MED15: variants seen among roughly 807,000 people sequenced by gnomAD.
MED15 encodes mediator of RNA polymerase II transcription subunit 15.
In MED15, 41 loss-of-function variants were observed where a neutral mutation model predicts 118.7. The observed-to-expected ratio is 0.35, with a 90% CI of 0.27 to 0.45. The LOEUF (loss-of-function observed/expected upper bound fraction) is 0.45, where lower values mean the gene tolerates loss of function less well. Ranked by LOEUF, MED15 falls within the 20% of genes least tolerant of loss-of-function variation. The probability of loss-of-function intolerance (pLI) is 1.00; values close to 1 mark genes in which losing one functional copy is unlikely to be tolerated. For synonymous variants in MED15, 436 were observed against 413.9 expected, an observed-to-expected ratio of 1.05 and a Z score of -0.65; for missense variants, 740 against 1,025.5, an observed-to-expected ratio of 0.72 and a Z score of 3.80.
rs758761257 is a variant in MED15, at chr22:20,584,875, G to A, written c.1824G>A (p.Pro608=). The change falls in exon 15 of 18, where the codon CCG becomes CCA. Residue 608 remains proline, a synonymous_variant. Transcript: ENST00000263205. ...TCCAGCCCACTCCCCCACCGCCCCC[G>A]GTGCCACCGACCAAACAGCAGTACC... is the stretch of plus-strand genomic sequence containing the variant. ...DMAVPTPPPP[P]VPPTKQQYLC... is the part of the protein sequence containing the mutation. 1.0e-5 allele frequency: 16 copies of A among 1,598,258 alleles called. No individual in the cohort carries two copies. Among genetic ancestry groups the A allele is most frequent in the Admixed American group, 3.4e-5 (2 of 59,612 alleles).
intron 2 of MED15, among the ~76,000 whole-genome samples, chr22:20,544,870 TA>T (rs150376781): frequency 0.11 from 16,171 of 152,092 alleles, 1,238 homozygotes; most frequent in Non-Finnish European, 0.15. Flanking sequence ...CATCACGAGG[TA>T]AATACATTCT....
chr22:20,568,296 G>A (rs1258551870), intron 7 of MED15, among the ~76,000 whole-genome samples: 1 of 152,222 alleles, frequency 6.6e-6, no homozygotes, highest in Non-Finnish European at 1.5e-5. Context: ...GCTGAGGGAT[G>A]TGTGGAGACA....
chr22:20,528,128 T>A (rs979734556), intron 1 of MED15, among the ~76,000 whole-genome samples: 2 of 152,008 alleles, frequency 1.3e-5, no homozygotes, highest in Non-Finnish European at 2.9e-5. Context: ...TCTTGTGGGG[T>A]CTTTATTGGC....
chr22:20,536,170 C>T (rs1345088789), intron 1 of MED15, among the ~76,000 whole-genome samples: 1 of 152,180 alleles, frequency 6.6e-6, no homozygotes, highest in Non-Finnish European at 1.5e-5. Context: ...GGCACTGCAC[C>T]TGGCCACTTG....
chr22:20,586,628 C>G lies in MED15; in HGVS notation c.2291C>G (p.Pro764Arg), dbSNP rs749490576. 4 of 1,613,014 alleles carry G rather than the reference C, an allele frequency of 2.5e-6. No individual in the cohort carries two copies. The highest frequency in any genetic ancestry group is 3.4e-6 in the Non-Finnish European group (4 of 1,179,974). ...RCMTSRLLQL[P>R]DKHSVTALLN... ...ATGACCTCCAGGCTGCTGCAGCTCCCGGACAAGCACTCGGTCACCGCCTTG... is the reference window on the plus strand; with the variant it reads ...ATGACCTCCAGGCTGCTGCAGCTCCGGGACAAGCACTCGGTCACCGCCTTG... Residue 764 changes from proline (P) to arginine (R), a missense_variant, in exon 18 of 18, where the codon CCG becomes CGG. By Grantham distance (103) the Pro-to-Arg change is moderately radical (BLOSUM62 -2). Around this residue, in one of 7 missense-constraint regions of MED15, gnomAD observed 179 missense variants for 259.0 expected, o/e 0.69. Transcript: ENST00000263205.
chr22:20,542,372 A>G (rs1026417296), intron 2 of MED15, among the ~76,000 whole-genome samples: 10 of 152,240 alleles, frequency 6.6e-5, no homozygotes, highest in Admixed American at 2.0e-4. Flanking sequence ...TATCCATACA[A>G]TGAATATCAT....
rs1380410267 is a variant in MED15, at chr22:20,517,944, A to AG, written c.68+10198_68+10199insG. 5.3e-5 allele frequency among the ~76,000 whole-genome samples: 8 copies of AG among 152,330 alleles called. No individual in the cohort carries two copies. In the East Asian group the frequency reaches 1.2e-3, roughly 22 times the overall value. On this transcript the variant is annotated intron_variant, in intron 1 of 17. Transcript: ENST00000263205. ...CAAGGGCGCAATCAGGAAAGTATTC[A>AG]AAGCCTGATGGTGATGAGGGTGCTC... is the stretch of plus-strand genomic sequence containing the variant.
At chr22:20,550,037 G>C (rs533025252) in intron 2 of MED15, among the ~76,000 whole-genome samples, 1 of 152,308 alleles carries the variant, frequency 6.6e-6, no homozygotes, top group East Asian at 1.9e-4. Context: ...AAGTATCGCA[G>C]ACCTAAAAAA....
At chr22:20,575,365 T>TC in intron 9 of MED15, 133 bp downstream of exon 9, 2 of 1,131,010 alleles carry the variant, frequency 1.8e-6, no homozygotes, top group Non-Finnish European at 2.4e-6. Context: ...AAACCCACAG[T>TC]CCCTTTTTTT....
At chr22:20,512,626 C>G (rs943104400) in intron 1 of MED15, among the ~76,000 whole-genome samples, 42 of 130,662 alleles carry the variant, frequency 3.2e-4, no homozygotes, top group African/African-American at 1.1e-3. Flanking sequence ...GAGTCTCGCT[C>G]TGTTGCCCAG....
At chr22:20,580,722 C>T (rs73159139) in intron 9 of MED15, among the ~76,000 whole-genome samples, 13,907 of 152,164 alleles carry the variant, frequency 0.091, 887 homozygotes, top group Non-Finnish European at 0.13. Flanking sequence ...ACATGTGTTC[C>T]GGTGTCTGGG....
chr22:20,529,784 G>A lies in MED15; in HGVS notation c.69-7333G>A, dbSNP rs545596016. ...CTTTTGTATTTTTAGTAGGGATGGG[G>A]TTTCACCATGTTGGCCAGTCTGGTC... On this transcript the variant is annotated intron_variant, in intron 1 of 17. Transcript: ENST00000263205. Among the ~76,000 whole-genome samples the A allele has an allele frequency of 1.9e-3, 285 of 152,256 alleles. 1 individual carries two copies. Among genetic ancestry groups the A allele is most frequent in the African/African-American group, 6.6e-3 (273 of 41,556 alleles).
chr22:20,516,081 C>T (rs1196033407), intron 1 of MED15, among the ~76,000 whole-genome samples: 3 of 151,940 alleles, frequency 2.0e-5, no homozygotes, highest in African/African-American at 7.3e-5. Flanking sequence ...CTTTGGGAGG[C>T]TGAGGCGGGC....
intron 1 of MED15, among the ~76,000 whole-genome samples, chr22:20,509,536 A>G (rs2053990842): frequency 2.0e-5 from 3 of 150,594 alleles, no homozygotes; most frequent in Admixed American, 6.6e-5. Flanking sequence ...GACAGATTCC[A>G]GAGGAGGGGG....
At chr22:20,510,261 C>G (rs763029642) in intron 1 of MED15, among the ~76,000 whole-genome samples, 45 of 152,272 alleles carry the variant, frequency 3.0e-4, no homozygotes, top group Non-Finnish European at 5.3e-4. Flanking sequence ...TGGCGCACAC[C>G]TGTAGTCCCA....
At chr22:20,585,633 C>T in intron 16 of MED15, 95 bp from the exon 17 acceptor site, 1 of 1,176,770 alleles carries the variant, frequency 8.5e-7, no homozygotes, top group South Asian at 1.3e-5. Context: ...TTCACCAGAA[C>T]CTCCCTGGGT....
Position 20,537,206 on chromosome 22 carries a change from T to G in MED15, c.156+2T>G. 1 of 1,608,824 alleles carries G rather than the reference T, an allele frequency of 6.2e-7. No individual in the cohort carries two copies. The highest frequency in any genetic ancestry group is 8.5e-7 in the Non-Finnish European group (1 of 1,177,144). On this transcript the variant is annotated splice_donor_variant, in intron 2 of 17. Transcript: ENST00000263205. LOFTEE classifies it high-confidence loss of function. ...GTTTTCCTGAAGGCCAAGACCCGGG[T>G]AAGGCCCTAGTAAGTGGAGCCACTC...
At chr22:20,547,507 A>C (rs1328248276) in intron 2 of MED15, among the ~76,000 whole-genome samples, 1 of 152,178 alleles carries the variant, frequency 6.6e-6, no homozygotes, top group Non-Finnish European at 1.5e-5. Context: ...AACATGGCAA[A>C]ACCGTGTCTC....
chr22:20,508,415 C>A, intron 1 of MED15: 1 of 1,303,556 alleles, frequency 7.7e-7, no homozygotes, highest in South Asian at 1.2e-5. Context: ...CATGCGCGTC[C>A]GTGTGAAGAG....
Sources: allele counts gnomAD v4.1 joint callset (sites outside exome capture counted in the v4.1 genomes callset), GRCh38; gene constraint gnomAD v4.1.1; regional missense constraint gnomAD v4.1.1; transcripts MANE v1.5; gene names NCBI Gene and HGNC (gene_info 2026-07-23, HGNC 2026-07-21).